PCDH9: variants seen among roughly 807,000 people sequenced by gnomAD.
PCDH9 encodes protocadherin 9.
Under a neutral mutation model 70.6 loss-of-function variants are expected in PCDH9, and 24 were observed. That is an observed-to-expected ratio of 0.34 (90% CI 0.25 to 0.48). The LOEUF (loss-of-function observed/expected upper bound fraction) is 0.48. PCDH9 is among the 20% of genes least tolerant of loss of function. The probability of loss-of-function intolerance (pLI) is 0.99; values close to 1 mark genes in which losing one functional copy is unlikely to be tolerated. For synonymous variants in PCDH9, 562 were observed against 558.5 expected (o/e 1.01, Z -0.09); for missense variants, 1,281 against 1,503.6 (o/e 0.85, Z 2.45).
intron 3 of PCDH9, among the ~76,000 whole-genome samples, chr13:66,681,950 C>CATATATATATATATATATAT (rs56280836): frequency 0.047 from 6,110 of 129,460 alleles, 225 homozygotes; most frequent in East Asian, 0.063. Flanking sequence ...TATATACAAA[C>CATATATATATATATATATAT]ATATATATAT....
chr13:67,225,821 T>A lies in PCDH9; in HGVS notation c.2620A>T (p.Arg874Trp). The change falls in exon 2 of 5, where the codon AGG becomes TGG. Residue 874 changes from arginine to tryptophan, a missense_variant. Arg to Trp is a moderately radical substitution (Grantham distance 101). Coordinates refer to ENST00000377865, the MANE Select transcript of PCDH9 (RefSeq NM_203487.3). Reference protein sequence around the residue: ...KQNKKKKRKKRKSPKSSLLNF... With the variant: ...KQNKKKKRKKWKSPKSSLLNF... ...AAAAGAGAGCTTTTGGGAGACTTCCTTTTCTTTCTTTTCTTTTTCTTGTTT... is the reference window on the plus strand; with the variant it reads ...AAAAGAGAGCTTTTGGGAGACTTCCATTTCTTTCTTTTCTTTTTCTTGTTT... 1 of 1,614,128 alleles carries A rather than the reference T, an allele frequency of 6.2e-7. No homozygotes were observed. Among genetic ancestry groups the A allele is most frequent in the Non-Finnish European group, 8.5e-7 (1 of 1,179,992 alleles).
intron 3 of PCDH9, among the ~76,000 whole-genome samples, chr13:66,762,130 C>A (rs1049968114): frequency 5.9e-5 from 9 of 152,070 alleles, no homozygotes; most frequent in Non-Finnish European, 1.3e-4. Context: ...GCCCTTCCCT[C>A]AGAACCACCA....
intron 4 of PCDH9, among the ~76,000 whole-genome samples, chr13:66,497,323 C>T (rs1959132154): frequency 6.6e-6 from 1 of 152,108 alleles, no homozygotes; most frequent in Admixed American, 6.6e-5. Context: ...ATCTGCCCAC[C>T]TCAGCCTCCC....
chr13:66,753,229 ATTT>A (rs1183867113), intron 3 of PCDH9, among the ~76,000 whole-genome samples: 3 of 152,076 alleles, frequency 2.0e-5, no homozygotes, highest in African/African-American at 7.2e-5. Flanking sequence ...ATGCCCCAAA[ATTT>A]TTTAGTTGAT....
intron 3 of PCDH9, among the ~76,000 whole-genome samples, chr13:66,697,149 C>T (rs1353639947): frequency 2.0e-5 from 3 of 151,976 alleles, no homozygotes; most frequent in East Asian, 3.9e-4. Flanking sequence ...TTTTAAAAGG[C>T]CCCAATGTGC....
rs572261544 is a variant in PCDH9 at position 67,196,421 on chromosome 13, A to G, written c.3036+28984T>C. The stretch of plus-strand genomic sequence containing the variant: ...ATCCAGGATGTTTTACTCCTGAGTC[A>G]TAAGAAAAACTTCTTCCATCTCAAA... On this transcript the variant is annotated intron_variant, in intron 2 of 4. Coordinates refer to ENST00000377865, the MANE Select transcript of PCDH9 (RefSeq NM_203487.3). Among the ~76,000 whole-genome samples the G allele has an allele frequency of 2.6e-5, 4 of 152,192 alleles. No homozygotes were observed. In the South Asian group the frequency reaches 8.3e-4, roughly 31 times the overall value.
intron 2 of PCDH9, among the ~76,000 whole-genome samples, chr13:66,980,729 TGTTTTTTTTTTTG>T: frequency 9.1e-6 from 1 of 110,220 alleles, no homozygotes; most frequent in Non-Finnish European, 1.8e-5. Flanking sequence ...TTTTTTTCTT[TGTTTTTTTTTTTG>T]TTTTTTTTTT....
chr13:66,962,426 T>C (rs1429230233), intron 2 of PCDH9, among the ~76,000 whole-genome samples: 1 of 152,038 alleles, frequency 6.6e-6, no homozygotes, highest in East Asian at 1.9e-4. Context: ...ATGAGGGTGA[T>C]TAGAACTGAG....
chr13:66,572,868 T>TCCTA (rs1001399397), intron 4 of PCDH9, among the ~76,000 whole-genome samples: 2 of 152,120 alleles, frequency 1.3e-5, no homozygotes, highest in African/African-American at 4.8e-5. Flanking sequence ...CAAGAGATCC[T>TCCTA]CCTACCTCAG....
chr13:66,585,648 A>C lies in PCDH9; in HGVS notation c.3340+45562T>G, dbSNP rs527274070. Among the ~76,000 whole-genome samples, 3 of 152,316 alleles carry C rather than the reference A, an allele frequency of 2.0e-5. No homozygotes were observed. The South Asian group carries it at 6.2e-4, about 32-fold the overall frequency. On this transcript the variant is annotated intron_variant, in intron 4 of 4. Transcript: ENST00000377865. Reference sequence around the variant, plus strand: ...ATAGTTGCATTGTCATAAAATGAAAATCTAATGACACTAACACTAGGCAGA... The same window carrying C: ...ATAGTTGCATTGTCATAAAATGAAACTCTAATGACACTAACACTAGGCAGA...
intron 4 of PCDH9, among the ~76,000 whole-genome samples, chr13:66,419,667 G>A (rs907798798): frequency 6.6e-6 from 1 of 152,044 alleles, no homozygotes; most frequent in Non-Finnish European, 1.5e-5. Flanking sequence ...CATAGACCAG[G>A]AGATTCCCTC....
chr13:66,363,137 C>T (rs1212119113), intron 4 of PCDH9, among the ~76,000 whole-genome samples: 1 of 152,088 alleles, frequency 6.6e-6, no homozygotes, highest in East Asian at 1.9e-4. Flanking sequence ...TGAGATTGCA[C>T]CACTGCACTC....
chr13:67,225,149 A>G lies in PCDH9; in HGVS notation c.3036+256T>C, dbSNP rs2089823938. The G allele has an allele frequency of 4.4e-6, 6 of 1,361,942 alleles. No homozygotes were observed. The South Asian group carries it at 1.1e-4, about 26-fold the overall frequency. The allele number at this position is 1,361,942 out of a possible 1,614,324, so 84.4% of individuals were successfully genotyped here. A position where few individuals can be genotyped will look rare whatever the true frequency, so the allele number is the denominator to read the frequency against. On this transcript the variant is annotated intron_variant, in intron 2 of 4. Transcript: ENST00000377865. Reference sequence around the variant, plus strand: ...CAAACATTATCTTGGGACATTTTGGAATAATTTTCTCTTTTCATCTTTTGC... The same window carrying G: ...CAAACATTATCTTGGGACATTTTGGGATAATTTTCTCTTTTCATCTTTTGC...
chr13:67,203,566 A>T (rs1468776970), intron 2 of PCDH9: 1 of 152,128 alleles, frequency 6.6e-6, no homozygotes, highest in Non-Finnish European at 1.5e-5. Context: ...AGGTGATACC[A>T]AATAAGTCAT....
At chr13:66,387,202 A>G (rs1328346187) in intron 4 of PCDH9, among the ~76,000 whole-genome samples, 1 of 152,196 alleles carries the variant, frequency 6.6e-6, no homozygotes, top group Non-Finnish European at 1.5e-5. Context: ...ATCTATTAGA[A>G]GACTGTCTAG....
At chr13:67,134,683 A>G (rs2138339794) in intron 2 of PCDH9, among the ~76,000 whole-genome samples, 1 of 152,220 alleles carries the variant, frequency 6.6e-6, no homozygotes, top group African/African-American at 2.4e-5. Flanking sequence ...GCTACGGTAC[A>G]TTTGAAAATA....
intron 2 of PCDH9, among the ~76,000 whole-genome samples, chr13:67,001,389 G>A (rs1362815568): frequency 6.6e-6 from 1 of 151,586 alleles, no homozygotes; most frequent in Non-Finnish European, 1.5e-5. Context: ...GGCAAGAATA[G>A]GGAGCTATGC....
chr13:66,967,388 A>G (rs2083448496), intron 2 of PCDH9, among the ~76,000 whole-genome samples: 1 of 152,164 alleles, frequency 6.6e-6, no homozygotes, highest in South Asian at 2.1e-4. Context: ...ATAAAATTTG[A>G]AAGTTAGTTC....
At chr13:66,483,297 G>A (rs552271633) in intron 4 of PCDH9, among the ~76,000 whole-genome samples, 26 of 152,228 alleles carry the variant, frequency 1.7e-4, no homozygotes, top group Non-Finnish European at 2.9e-4. Flanking sequence ...ACTGGCACAC[G>A]AATTATGGAT....
Sources: gnomAD v4.1 joint callset for allele counts (sites outside exome capture counted in the v4.1 genomes callset) on GRCh38, gnomAD v4.1.1 for gene constraint, MANE v1.5 for transcripts, NCBI Gene and HGNC (gene_info 2026-07-23, HGNC 2026-07-21) for gene names.